Variants in TENM3 observed in about 807,000 individuals in gnomAD.
TENM3 encodes the protein teneurin transmembrane protein 3.
TENM3 carries 63 observed loss-of-function variants against 255.1 expected under a neutral mutation model. That is an observed-to-expected ratio of 0.25 (90% confidence interval 0.20 to 0.30). The LOEUF (loss-of-function observed/expected upper bound fraction) is 0.30. Among genes scored for constraint, TENM3 ranks in the 10% least tolerant of loss-of-function variants. The pLI, the probability that TENM3 is intolerant of heterozygous loss-of-function variation, is 1.00. For missense variants in TENM3, 2,929 were observed against 3,461.1 expected (o/e 0.85, Z 3.86); for synonymous variants, 1,306 against 1,322.3 (o/e 0.99, Z 0.27).
chr4:181,745,523 C>A, the TENM3 span, among the ~76,000 whole-genome samples: 1 of 152,134 alleles, frequency 6.6e-6, no homozygotes, highest in Non-Finnish European at 1.5e-5. Flanking sequence ...GAAGGAAGAA[C>A]TGTTGAGGTT....
the TENM3 span, among the ~76,000 whole-genome samples, chr4:181,725,407 A>G: frequency 7.4e-6 from 1 of 134,924 alleles, no homozygotes; most frequent in Admixed American, 8.2e-5. Context: ...TGACATTCAC[A>G]TTCTTTTTCT....
At chr4:182,236,993 C>T (rs898925555) in intron 1 of TENM3, among the ~76,000 whole-genome samples, 7 of 152,188 alleles carry the variant, frequency 4.6e-5, no homozygotes, top group South Asian at 4.1e-4. Flanking sequence ...ATGCTCTCCT[C>T]CTTGTCCTCC....
chr4:182,796,672 C>G lies in TENM3; in HGVS notation c.7249C>G (p.Leu2417Val). The change falls in exon 27 of 28, where the codon CTG becomes GTG. Residue 2417 changes from leucine to valine, a missense_variant. Leu to Val is a conservative substitution (Grantham distance 32, BLOSUM62 1). Coordinates refer to ENST00000511685, the MANE Select transcript of TENM3 (RefSeq NM_001080477.4). ...NSWLVTFGFH[L>V]HNAIPGFPVP... is the part of the protein sequence containing the mutation. ...CTGGCTGGTGACATTTGGTTTCCAT[C>G]TGCACAATGCTATTCCTGGATTCCC... 1 of 1,612,052 alleles carries G rather than the reference C, an allele frequency of 6.2e-7. No individual in the cohort carries two copies. Among genetic ancestry groups the G allele is most frequent in the Non-Finnish European group, 8.5e-7 (1 of 1,178,990 alleles).
the TENM3 span, among the ~76,000 whole-genome samples, chr4:181,538,536 G>A: frequency 2.6e-5 from 4 of 151,890 alleles, no homozygotes; most frequent in Non-Finnish European, 5.9e-5. Context: ...GGGGTGGGGT[G>A]GGGGAACATC....
At chr4:182,686,120 G>A (rs1055442532) in intron 11 of TENM3, among the ~76,000 whole-genome samples, 1 of 151,740 alleles carries the variant, frequency 6.6e-6, no homozygotes, top group Non-Finnish European at 1.5e-5. Flanking sequence ...TATTCATCTT[G>A]ATATCCTCAA....
chr4:181,841,029 T>G, the TENM3 span, among the ~76,000 whole-genome samples: 14 of 152,242 alleles, frequency 9.2e-5, no homozygotes, highest in Admixed American at 3.3e-4. Context: ...TGTAGGTTAA[T>G]AGGCATTTTA....
the TENM3 span, among the ~76,000 whole-genome samples, chr4:181,829,524 T>A: frequency 2.6e-5 from 4 of 152,118 alleles, no homozygotes; most frequent in Admixed American, 2.0e-4. Context: ...CTAAAGTTGA[T>A]CAGGTTTAGG....
chr4:182,244,078 C>CGAGTA (rs993913114), intron 1 of TENM3, among the ~76,000 whole-genome samples: 1 of 151,278 alleles, frequency 6.6e-6, no homozygotes, highest in African/African-American at 2.4e-5. Flanking sequence ...CTCAGCCTCC[C>CGAGTA]GAGTAGCTGG....
At chr4:181,808,920 T>C in the TENM3 span, among the ~76,000 whole-genome samples, 139 of 152,340 alleles carry the variant, frequency 9.1e-4, no homozygotes, top group African/African-American at 3.3e-3. Context: ...CTAGATGAGA[T>C]GTGTTAACAA....
the TENM3 span, among the ~76,000 whole-genome samples, chr4:181,588,092 T>C: frequency 6.6e-6 from 1 of 152,162 alleles, no homozygotes; most frequent in Non-Finnish European, 1.5e-5. Flanking sequence ...ATGCGCTTTT[T>C]AGAGGAGCAT....
chr4:181,852,520 T>G, the TENM3 span, among the ~76,000 whole-genome samples: 1 of 152,218 alleles, frequency 6.6e-6, no homozygotes, highest in Non-Finnish European at 1.5e-5. Flanking sequence ...TCTTGTTTGT[T>G]GCAAGGGGTT....
chr4:182,361,278 T>C (rs546003369), intron 3 of TENM3, among the ~76,000 whole-genome samples: 1 of 150,584 alleles, frequency 6.6e-6, no homozygotes, highest in East Asian at 1.9e-4. Context: ...CCTTGCTAGA[T>C]TGGGGAAGTT....
chr4:182,295,124 C>T (rs1761382504), intron 1 of TENM3, among the ~76,000 whole-genome samples: 1 of 151,758 alleles, frequency 6.6e-6, no homozygotes. Flanking sequence ...TGCATTCATT[C>T]CTGTAATATT....
At chr4:182,102,510 G>A in the TENM3 span, among the ~76,000 whole-genome samples, 30,897 of 152,124 alleles carry the variant, frequency 0.2, 3,171 homozygotes, top group African/African-American at 0.21. Context: ...ATCAAAATGC[G>A]CTTTTTAGGA....
chr4:182,520,437 G>T (rs1167911993), intron 3 of TENM3, among the ~76,000 whole-genome samples: 1 of 152,138 alleles, frequency 6.6e-6, no homozygotes, highest in African/African-American at 2.4e-5. Flanking sequence ...AGGGTGTTTG[G>T]TCTCAACTTC....
chr4:182,436,275 T>A (rs748196361), intron 3 of TENM3, among the ~76,000 whole-genome samples: 3 of 152,116 alleles, frequency 2.0e-5, no homozygotes, highest in Non-Finnish European at 2.9e-5. Context: ...GAGTTCCGAG[T>A]GCGTAACCCT....
the TENM3 span, among the ~76,000 whole-genome samples, chr4:181,711,235 A>C: frequency 6.6e-6 from 1 of 152,194 alleles, no homozygotes; most frequent in Non-Finnish European, 1.5e-5. Context: ...AAATTATTGC[A>C]AATAATTAGA....
intron 22 of TENM3, among the ~76,000 whole-genome samples, chr4:182,758,572 CG>C (rs1762899390): frequency 6.6e-6 from 1 of 152,086 alleles, no homozygotes; most frequent in Non-Finnish European, 1.5e-5. Context: ...GAATCCCCGT[CG>C]GAATGCCTTT....
chr4:181,462,413 T>TG, the TENM3 span, among the ~76,000 whole-genome samples: 1 of 152,192 alleles, frequency 6.6e-6, no homozygotes. Context: ...TTGGCTCTTC[T>TG]GGGGTTTCAC....
Sources: allele counts gnomAD v4.1 joint callset (sites outside exome capture counted in the v4.1 genomes callset), GRCh38; gene constraint gnomAD v4.1.1; transcripts MANE v1.5; gene names NCBI Gene and HGNC (gene_info 2026-07-23, HGNC 2026-07-21).